ALB: variants seen among roughly 807,000 people sequenced by gnomAD.
ALB encodes serum albumin.
Under a neutral mutation model 74.5 loss-of-function variants are expected in ALB, and 37 were observed. That is an observed-to-expected ratio of 0.50 (90% CI 0.38 to 0.65). The LOEUF is 0.65. Among genes scored for constraint, ALB ranks in the 30% least tolerant of loss-of-function variants. ALB has a pLI of 0.00. For synonymous variants in ALB, 249 were observed against 251.6 expected, an observed-to-expected ratio of 0.99 and a Z score of 0.10; for missense variants, 685 against 718.7, an observed-to-expected ratio of 0.95 and a Z score of 0.54.
intron 13 of ALB, 72 bp downstream of exon 13, chr4:73,419,711 G>C (rs1032854417): frequency 6.4e-7 from 1 of 1,554,250 alleles, no homozygotes; most frequent in Non-Finnish European, 8.9e-7. Flanking sequence ...AGGGCTTAGG[G>C]ATTTATATAT....
Position 73,415,041 on chromosome 4 carries a change from G to C in ALB, c.1065G>C (p.Leu355Phe), listed in dbSNP as rs778384979. The C allele has an allele frequency of 6.2e-7, 1 of 1,614,000 alleles. No individual in the cohort carries two copies. The highest frequency in any genetic ancestry group is 2.2e-5 in the East Asian group (1 of 44,870). ...TTATTTTCATCTTAATTAGGTTTTTGTATGAATATGCAAGAAGGCATCCTG... is the reference window on the plus strand; with the variant it reads ...TTATTTTCATCTTAATTAGGTTTTTCTATGAATATGCAAGAAGGCATCCTG... ...EAKDVFLGMF[L>F]YEYARRHPDY... Residue 355 changes from leucine (L) to phenylalanine (F), a missense_variant, in exon 9 of 15, where the codon TTG (leucine) becomes TTC (phenylalanine). Physicochemically the swap from Leu to Phe is conservative, Grantham distance 22. Coordinates refer to ENST00000295897, the MANE Select transcript of ALB (RefSeq NM_000477.7).
At chr4:73,409,289 A>T in intron 4 of ALB, 66 bp from the exon 5 acceptor site, 6 of 1,553,750 alleles carry the variant, frequency 3.9e-6, no homozygotes, top group Non-Finnish European at 5.3e-6. Flanking sequence ...GAGAATGTCG[A>T]TTACAATTAT....
At chr4:73,409,290 T>C in intron 4 of ALB, 65 bp from the exon 5 acceptor site, 1 of 1,554,402 alleles carries the variant, frequency 6.4e-7, no homozygotes. Context: ...AGAATGTCGA[T>C]TACAATTATT....
chr4:73,407,196 A>T (rs199593063), intron 3 of ALB, among the ~76,000 whole-genome samples: 2 of 152,148 alleles, frequency 1.3e-5, no homozygotes, highest in East Asian at 3.9e-4. Context: ...AACTACGGGT[A>T]CACTGTTGTA....
At position 73,421,077 on chromosome 4, in the gene ALB, C is replaced by G; in HGVS notation, c.*24-15C>G. 1 of 688,168 alleles carries G rather than the reference C, an allele frequency of 1.5e-6. No homozygotes were observed. The highest frequency in any genetic ancestry group is 1.6e-5 in the South Asian group (1 of 64,064). The allele number at this position is 688,168 out of a possible 1,614,324, so 42.6% of individuals were successfully genotyped here. ...TTTTACAAATAAGACTTATATTTGT[C>G]CTTTTGTTTTTCAGCCTACCATGAG... is the stretch of plus-strand genomic sequence containing the variant. On this transcript the variant is annotated splice_polypyrimidine_tract_variant and intron_variant, in intron 14 of 14. Transcript: ENST00000295897.
rs533630401 is a variant in ALB, at chr4:73,408,512, A to G, written c.271-82A>G. The stretch of plus-strand genomic sequence containing the variant: ...GATTTCCTGACCAAGCTTAACCAGT[A>G]TATTAAATCCTTTGTACTGTTCTTT... On this transcript the variant is annotated intron_variant, in intron 3 of 14. Transcript: ENST00000295897. The G allele has an allele frequency of 5.8e-6, 7 of 1,214,168 alleles. No homozygotes were observed. In the African/African-American group the frequency reaches 1.1e-4, roughly 18 times the overall value. The allele number at this position is 1,214,168 out of a possible 1,614,324, so 75.2% of individuals were successfully genotyped here.
At chr4:73,419,732 T>C in intron 13 of ALB, 93 bp downstream of exon 13, 1 of 1,444,860 alleles carries the variant, frequency 6.9e-7, no homozygotes, top group Non-Finnish European at 9.7e-7. Flanking sequence ...CAAAGGAGGC[T>C]TTGTACATGT....
chr4:73,404,502 C>T (rs1718669955), intron 1 of ALB, 96 bp downstream of exon 1: 4 of 1,078,822 alleles, frequency 3.7e-6, no homozygotes, highest in Admixed American at 3.6e-5. Context: ...ATTATTTTGG[C>T]ATTTATTTCT....
At chr4:73,406,442 C>T (rs767172239) in intron 2 of ALB, among the ~76,000 whole-genome samples, 187 bp from the exon 3 acceptor site, 18 of 152,124 alleles carry the variant, frequency 1.2e-4, no homozygotes, top group Admixed American at 1.3e-4. Flanking sequence ...ATTCTCTTTG[C>T]GTAGGAAGCC....
intron 7 of ALB, among the ~76,000 whole-genome samples, chr4:73,412,818 A>G (rs1467932047): frequency 6.6e-6 from 1 of 152,110 alleles, no homozygotes; most frequent in Non-Finnish European, 1.5e-5. Flanking sequence ...GAAATGATGT[A>G]TTTTTCTTCT....
At position 73,413,584 on chromosome 4, in the gene ALB, TA is replaced by T. The variant is rs766066361; in HGVS notation, c.1010del (p.Lys337ArgfsTer35). On this transcript the variant is annotated frameshift_variant, in exon 8 of 15. Coordinates refer to ENST00000295897, the MANE Select transcript of ALB (RefSeq NM_000477.7). LOFTEE classifies it high-confidence loss of function. ...CATTAGCTGCTGATTTTGTTGAAAG[TA>T]AGGATGTTTGCAAAAACTATGCTGA... ...PSLAADFVES[K>X]DVCKNYAEAK... is the part of the protein sequence containing the mutation. The T allele has an allele frequency of 6.2e-7, 1 of 1,614,188 alleles. No homozygotes were observed. Among genetic ancestry groups the T allele is most frequent in the Admixed American group, 1.7e-5 (1 of 60,026 alleles).
At chr4:73,416,500 G>T in intron 10 of ALB, 147 bp downstream of exon 10, 1 of 688,512 alleles carries the variant, frequency 1.5e-6, no homozygotes, top group South Asian at 1.7e-5. Flanking sequence ...GGAGAGGAGA[G>T]ATAAAATAGT....
chr4:73,416,303 A>G lies in ALB; in HGVS notation c.1239A>G (p.Lys413=). Residue 413 remains lysine (K), a synonymous_variant, in exon 10 of 15, where the codon AAA becomes AAG. Coordinates refer to ENST00000295897, the MANE Select transcript of ALB (RefSeq NM_000477.7). ...PLVEEPQNLI[K]QNCELFEQLG... ...TGGAAGAGCCTCAGAATTTAATCAA[A>G]CAAAATTGTGAGCTTTTTGAGCAGC... 2 of 1,613,768 alleles carry G rather than the reference A, an allele frequency of 1.2e-6. No homozygotes were observed. The highest frequency in any genetic ancestry group is 8.5e-7 in the Non-Finnish European group (1 of 1,179,786).
chr4:73,419,138 T>C (rs945294961), intron 12 of ALB: 2 of 171,330 alleles, frequency 1.2e-5, no homozygotes, highest in Non-Finnish European at 2.5e-5. Context: ...TTAATAGCAA[T>C]AAAACTCAAT....
chr4:73,410,230 G>T, intron 5 of ALB, 82 bp from the exon 6 acceptor site: 1 of 1,063,000 alleles, frequency 9.4e-7, no homozygotes, highest in Non-Finnish European at 1.5e-6. Flanking sequence ...ATTTAATTTG[G>T]CACAGTCTCA....
intron 6 of ALB, 28 bp from the exon 7 acceptor site, chr4:73,411,968 C>T (rs774562415): frequency 3.1e-6 from 5 of 1,613,630 alleles, no homozygotes; most frequent in Non-Finnish European, 3.4e-6. Context: ...CATGATAATA[C>T]CATTTTGATT....
chr4:73,406,862 C>T, intron 3 of ALB, 101 bp downstream of exon 3: 2 of 1,397,014 alleles, frequency 1.4e-6, no homozygotes, highest in Non-Finnish European at 2.0e-6. Flanking sequence ...TATTAAGTGT[C>T]CTGATTTGTA....
Position 73,408,811 on chromosome 4 carries a change from T to C in ALB, c.482+6T>C. 6.2e-7 allele frequency: 1 copy of C among 1,610,540 alleles called. No individual in the cohort carries two copies. Among genetic ancestry groups the C allele is most frequent in the East Asian group, 2.2e-5 (1 of 44,816 alleles). ...GAAGAGACATTTTTGAAAAAGTAAG[T>C]AATCAGATGTTTATAGTTCAAAATT... On this transcript the variant is annotated splice_donor_region_variant and intron_variant, in intron 4 of 14. Coordinates refer to ENST00000295897, the MANE Select transcript of ALB (RefSeq NM_000477.7).
chr4:73,413,496 T>A lies in ALB; in HGVS notation c.920T>A (p.Leu307Gln). ...CTGAAGGAATGCTGTGAAAAACCTC[T>A]GTTGGAAAAATCCCACTGCATTGCC... The part of the protein sequence containing the change: ...SKLKECCEKP[L>Q]LEKSHCIAEV... Residue 307 changes from leucine to glutamine, a missense_variant, in exon 8 of 15, where the codon CTG becomes CAG. By Grantham distance (113) the Leu-to-Gln change is moderately radical. Coordinates refer to ENST00000295897, the MANE Select transcript of ALB (RefSeq NM_000477.7). The A allele has an allele frequency of 6.2e-7, 1 of 1,614,202 alleles. No homozygotes were observed. The highest frequency in any genetic ancestry group is 1.1e-5 in the South Asian group (1 of 91,088).
Sources: gnomAD v4.1 joint callset for allele counts (sites outside exome capture counted in the v4.1 genomes callset) on GRCh38, gnomAD v4.1.1 for gene constraint, MANE v1.5 for transcripts, NCBI Gene and HGNC (gene_info 2026-07-23, HGNC 2026-07-21) for gene names.